Variants in SLC9A9 observed in about 807,000 individuals in gnomAD.
SLC9A9 encodes the protein solute carrier family 9 member A9.
A neutral mutation model predicts 77.8 loss-of-function variants in SLC9A9; 62 were observed. The observed-to-expected ratio is 0.80, with a 90% confidence interval of 0.65 to 0.98. The LOEUF is 0.98. Ranked by LOEUF, SLC9A9 falls within the 50% of genes least tolerant of loss-of-function variation. SLC9A9 has a pLI of 0.00. For synonymous variants in SLC9A9, 320 were observed against 283.5 expected (o/e 1.13, Z -1.29); for missense variants, 775 against 774.9 (o/e 1.00, Z 0.00).
intron 14 of SLC9A9, among the ~76,000 whole-genome samples, chr3:143,354,365 T>C (rs940539482): frequency 2.0e-5 from 3 of 152,240 alleles, no homozygotes; most frequent in African/African-American, 4.8e-5. Context: ...TTGACATACA[T>C]TGAGAATCAT....
intron 6 of SLC9A9, among the ~76,000 whole-genome samples, chr3:143,649,330 C>G (rs1400502527): frequency 6.6e-6 from 1 of 152,134 alleles, no homozygotes; most frequent in Non-Finnish European, 1.5e-5. Context: ...TCCCTTTATG[C>G]TTGAAATAAG....
intron 8 of SLC9A9, among the ~76,000 whole-genome samples, chr3:143,567,421 A>C (rs926592202): frequency 7.2e-5 from 11 of 152,120 alleles, no homozygotes; most frequent in Non-Finnish European, 1.6e-4. Flanking sequence ...ATTTCTCTGT[A>C]CATACTCTCA....
At chr3:143,596,525 C>T (rs775273669) in intron 6 of SLC9A9, among the ~76,000 whole-genome samples, 1 of 152,100 alleles carries the variant, frequency 6.6e-6, no homozygotes, top group Non-Finnish European at 1.5e-5. Context: ...TAGATCCTGT[C>T]GAATTGTCTG....
chr3:143,722,489 A>AAAAAAAAAG (rs1934531005), intron 4 of SLC9A9, among the ~76,000 whole-genome samples: 1 of 150,884 alleles, frequency 6.6e-6, no homozygotes, highest in East Asian at 1.9e-4. Context: ...AAAAAAAAAA[A>AAAAAAAAAG]AAAAAAGTCA....
chr3:143,544,803 C>T (rs2036756802), intron 9 of SLC9A9, among the ~76,000 whole-genome samples: 1 of 152,076 alleles, frequency 6.6e-6, no homozygotes, highest in Admixed American at 6.6e-5. Flanking sequence ...AGTTTAAGGT[C>T]CTACATTTAA....
chr3:143,806,729 TGTG>T, intron 2 of SLC9A9, among the ~76,000 whole-genome samples: 1 of 143,352 alleles, frequency 7.0e-6, no homozygotes, highest in South Asian at 2.5e-4. Context: ...AAGGGTATTA[TGTG>T]GTGGTGGGGG....
At chr3:143,748,773 G>A (rs186639817) in intron 4 of SLC9A9, among the ~76,000 whole-genome samples, 6,603 of 144,936 alleles carry the variant, frequency 0.046, 189 homozygotes, top group Middle Eastern at 0.071. Flanking sequence ...GCGCAATCTC[G>A]GCTCACTGCA....
chr3:143,457,176 T>C (rs1268634711), intron 12 of SLC9A9, among the ~76,000 whole-genome samples: 1 of 152,058 alleles, frequency 6.6e-6, no homozygotes, highest in Admixed American at 6.6e-5. Context: ...TGTACCACCA[T>C]GCCTGGCTAA....
intron 2 of SLC9A9, among the ~76,000 whole-genome samples, chr3:143,828,935 C>T (rs2009368837): frequency 6.6e-6 from 1 of 152,162 alleles, no homozygotes; most frequent in African/African-American, 2.4e-5. Flanking sequence ...TGGTGATCTT[C>T]TAAAAATTCC....
chr3:143,394,311 T>A (rs1005209213), intron 12 of SLC9A9, among the ~76,000 whole-genome samples: 1 of 152,186 alleles, frequency 6.6e-6, no homozygotes, highest in African/African-American at 2.4e-5. Context: ...TGCAAATCAA[T>A]AAATGTAATC....
intron 6 of SLC9A9, among the ~76,000 whole-genome samples, chr3:143,618,209 C>A (rs2038140157): frequency 6.6e-6 from 1 of 152,122 alleles, no homozygotes; most frequent in Non-Finnish European, 1.5e-5. Context: ...TCAACAGAGT[C>A]CTAAAGTCAA....
intron 5 of SLC9A9, among the ~76,000 whole-genome samples, chr3:143,683,110 G>A (rs189456613): frequency 6.6e-6 from 1 of 152,232 alleles, no homozygotes; most frequent in Admixed American, 6.5e-5. Context: ...ATGTTTAAAA[G>A]GGTAGTTTAT....
chr3:143,461,234 G>C (rs1212445465), intron 12 of SLC9A9, among the ~76,000 whole-genome samples: 1 of 152,080 alleles, frequency 6.6e-6, no homozygotes, highest in Non-Finnish European at 1.5e-5. Context: ...TCCTTTTTGT[G>C]AGCATTTTTC....
intron 14 of SLC9A9, among the ~76,000 whole-genome samples, chr3:143,278,381 T>C (rs1204881796): frequency 6.6e-6 from 1 of 152,262 alleles, no homozygotes; most frequent in African/African-American, 2.4e-5. Context: ...AAGGAGATGC[T>C]AGATGCTGTG....
intron 14 of SLC9A9, among the ~76,000 whole-genome samples, chr3:143,270,342 T>A (rs1937863969): frequency 6.6e-6 from 1 of 152,196 alleles, no homozygotes; most frequent in Admixed American, 6.5e-5. Flanking sequence ...TAATTTTAAA[T>A]AATCCAAAGG....
intron 13 of SLC9A9, among the ~76,000 whole-genome samples, chr3:143,371,430 A>G (rs2033056694): frequency 6.6e-6 from 1 of 152,218 alleles, no homozygotes; most frequent in Non-Finnish European, 1.5e-5. Flanking sequence ...AAATTCAGCA[A>G]ACTTTATAGA....
chr3:143,667,221 G>C (rs1362452806), intron 5 of SLC9A9, among the ~76,000 whole-genome samples: 1 of 152,172 alleles, frequency 6.6e-6, no homozygotes, highest in African/African-American at 2.4e-5. Flanking sequence ...GACCAAAAAA[G>C]AAATGGGGAA....
chr3:143,352,727 T>C (rs1013139302), intron 14 of SLC9A9, among the ~76,000 whole-genome samples: 2 of 152,222 alleles, frequency 1.3e-5, no homozygotes, highest in Non-Finnish European at 2.9e-5. Context: ...GGAACACACA[T>C]TGAATGCTCT....
At chr3:143,621,072 G>T (rs897367973) in intron 6 of SLC9A9, among the ~76,000 whole-genome samples, 2 of 152,202 alleles carry the variant, frequency 1.3e-5, no homozygotes, top group African/African-American at 2.4e-5. Flanking sequence ...TGGGGGAGGG[G>T]CGCCCACCAT....
Sources: allele counts gnomAD v4.1 joint callset (sites outside exome capture counted in the v4.1 genomes callset), GRCh38; gene constraint gnomAD v4.1.1; transcripts MANE v1.5; gene names NCBI Gene and HGNC (gene_info 2026-07-23, HGNC 2026-07-21).